Variants in SMARCA2 observed in about 807,000 individuals in gnomAD.
SMARCA2 encodes SWI/SNF related BAF chromatin remodeling complex subunit ATPase 2, also known as SWI/SNF-related matrix-associated actin-dependent regulator of chromatin subfamily A member 2.
Under a neutral mutation model 199.8 loss-of-function variants are expected in SMARCA2, and 61 were observed. The ratio of observed to expected loss-of-function variants is 0.31; its 90% CI spans 0.25 to 0.38. SMARCA2 has a LOEUF of 0.38. SMARCA2 is among the 10% of genes least tolerant of loss of function. The pLI, the probability that SMARCA2 is intolerant of heterozygous loss-of-function variation, is 1.00. For synonymous variants in SMARCA2, 935 were observed against 732.0 expected (o/e 1.28, Z -4.48); for missense variants, 1,344 against 2,012.2 (o/e 0.67, Z 6.35).
At chr9:2,150,564 C>G (rs377715471) in intron 27 of SMARCA2, among the ~76,000 whole-genome samples, 1 of 151,636 alleles carries the variant, frequency 6.6e-6, no homozygotes, top group African/African-American at 2.4e-5. Context: ...TCGTTTACTC[C>G]GAGGGGTGTG....
chr9:2,130,395 G>A (rs1230163760), intron 27 of SMARCA2, among the ~76,000 whole-genome samples: 1 of 152,172 alleles, frequency 6.6e-6, no homozygotes, highest in Admixed American at 6.5e-5. Flanking sequence ...ATCCCAGTCC[G>A]CTAGGTTTGG....
chr9:2,073,953 A>C (rs1162786659), intron 12 of SMARCA2, among the ~76,000 whole-genome samples: 1 of 152,206 alleles, frequency 6.6e-6, no homozygotes, highest in Non-Finnish European at 1.5e-5. Context: ...GGGAAAGGCC[A>C]TACCATACCT....
Position 2,170,524 on chromosome 9 carries a change from A to C in SMARCA2, c.4253+52A>C. 6.2e-7 allele frequency: 1 copy of C among 1,613,336 alleles called. No individual in the cohort carries two copies. Among genetic ancestry groups the C allele is most frequent in the East Asian group, 2.2e-5 (1 of 44,858 alleles). On this transcript the variant is annotated intron_variant, in intron 29 of 33. Transcript: ENST00000349721. This position sits in a 1 kb window ranked among gnomAD's most constrained non-coding sequence, Gnocchi z 4.7. Reference sequence around the variant, plus strand: ...TCTCTAAATACAGGTATCCCTCGTTACGTGAAACAGATTGAATCATATAAT... The same window carrying C: ...TCTCTAAATACAGGTATCCCTCGTTCCGTGAAACAGATTGAATCATATAAT...
At chr9:2,150,176 C>G (rs1824990174) in intron 27 of SMARCA2, among the ~76,000 whole-genome samples, 1 of 151,602 alleles carries the variant, frequency 6.6e-6, no homozygotes, top group Admixed American at 6.6e-5. Context: ...TTGCATATCT[C>G]CTGTTGGCCT....
rs1822953212 is a variant in SMARCA2 at position 2,110,656 on chromosome 9, AATCCC to A, written c.3456+243_3456+247del. On this transcript the variant is annotated intron_variant, in intron 24 of 33. Coordinates refer to ENST00000349721, the MANE Select transcript of SMARCA2 (RefSeq NM_003070.5). This position sits in a 1 kb window ranked among gnomAD's most constrained non-coding sequence, Gnocchi z 4.8. ...AAAAACTTAGTTTCTCCTTAGTTTT[AATCCC>A]ATCTCTTGGGATTGCCATTGAACAA... Among the ~76,000 whole-genome samples, 2 of 152,226 alleles carry A rather than the reference AATCCC, an allele frequency of 1.3e-5. No homozygotes were observed. The highest frequency in any genetic ancestry group is 2.4e-5 in the African/African-American group (1 of 41,454).
intron 5 of SMARCA2, among the ~76,000 whole-genome samples, chr9:2,051,146 C>T (rs1349060880): frequency 6.6e-6 from 1 of 152,180 alleles, no homozygotes. Context: ...ACAACAACAT[C>T]AACAAAGATA....
At chr9:2,156,384 G>C (rs545952243) in intron 27 of SMARCA2, among the ~76,000 whole-genome samples, 1 of 142,162 alleles carries the variant, frequency 7.0e-6, no homozygotes, top group Non-Finnish European at 1.5e-5. Flanking sequence ...TTTTCTTATG[G>C]GAAAATACCA....
rs1476373800 is a variant in SMARCA2 at position 2,178,966 on chromosome 9, TC to T, written c.4254-2604del. Among the ~76,000 whole-genome samples, 4 of 152,278 alleles carry T rather than the reference TC, an allele frequency of 2.6e-5. No homozygotes were observed. The East Asian group carries it at 5.8e-4, about 22-fold the overall frequency. On this transcript the variant is annotated intron_variant, in intron 29 of 33. Transcript: ENST00000349721. ...AATAACACACATGGAAGAATTAGGT[TC>T]TGAGCAATGAGGGGACTGAGAGTAA...
At chr9:2,046,981 C>T (rs1426836664) in intron 4 of SMARCA2, among the ~76,000 whole-genome samples, 1 of 152,076 alleles carries the variant, frequency 6.6e-6, no homozygotes, top group South Asian at 2.1e-4. Context: ...ATGCCAGATT[C>T]TTTTTTCTTT....
At chr9:2,159,286 T>C in intron 27 of SMARCA2, 1 of 352,628 alleles carries the variant, frequency 2.8e-6, no homozygotes, top group Non-Finnish European at 5.1e-6. Context: ...GAAAGTGAAG[T>C]GTTACAGTTG....
chr9:2,127,710 GA>G (rs1322945889), intron 27 of SMARCA2, among the ~76,000 whole-genome samples: 6 of 152,238 alleles, frequency 3.9e-5, no homozygotes, highest in Admixed American at 3.3e-4. Context: ...GTGAGCCCAG[GA>G]AAACAAAATT....
intron 6 of SMARCA2, chr9:2,055,780 A>G (rs1820326025): frequency 6.6e-6 from 1 of 152,236 alleles, no homozygotes; most frequent in Non-Finnish European, 1.5e-5. Flanking sequence ...CTTCTTTCTT[A>G]TTGGTGACCT....
At chr9:2,164,691 T>A (rs1825854463) in intron 28 of SMARCA2, among the ~76,000 whole-genome samples, 1 of 152,240 alleles carries the variant, frequency 6.6e-6, no homozygotes, top group East Asian at 1.9e-4. Context: ...TGGTACTGTT[T>A]ATTGAGTATG....
At chr9:2,166,289 T>C (rs1312530584) in intron 28 of SMARCA2, among the ~76,000 whole-genome samples, 1 of 152,164 alleles carries the variant, frequency 6.6e-6, no homozygotes, top group Non-Finnish European at 1.5e-5. Context: ...GATCATTAAT[T>C]ACAGGGTGGT....
chr9:2,143,761 A>G (rs1824578671), intron 27 of SMARCA2, among the ~76,000 whole-genome samples: 2 of 152,230 alleles, frequency 1.3e-5, no homozygotes, highest in South Asian at 4.1e-4. Flanking sequence ...GTTGAAGGAA[A>G]AGTGATAAAC....
intron 8 of SMARCA2, among the ~76,000 whole-genome samples, chr9:2,059,467 AG>A (rs1425836065): frequency 6.6e-6 from 1 of 152,104 alleles, no homozygotes; most frequent in East Asian, 1.9e-4. Context: ...GTTTCTGACT[AG>A]ACCGTTTTTG....
At chr9:2,143,652 G>C (rs1013036127) in intron 27 of SMARCA2, among the ~76,000 whole-genome samples, 1 of 152,132 alleles carries the variant, frequency 6.6e-6, no homozygotes, top group Non-Finnish European at 1.5e-5. Flanking sequence ...ATGTGATAAG[G>C]GAAACTGATC....
intron 31 of SMARCA2, among the ~76,000 whole-genome samples, chr9:2,182,825 G>T (rs1180746346): frequency 7.5e-6 from 1 of 133,828 alleles, no homozygotes; most frequent in Non-Finnish European, 1.6e-5. Flanking sequence ...TCGAGATGGA[G>T]TCTCGCCCAG....
At chr9:2,174,669 C>T (rs1348683773) in intron 29 of SMARCA2, among the ~76,000 whole-genome samples, 1 of 152,008 alleles carries the variant, frequency 6.6e-6, no homozygotes, top group East Asian at 1.9e-4. Context: ...CCTGTAATTC[C>T]CAGCACTTTG....
Sources: allele counts gnomAD v4.1 joint callset (sites outside exome capture counted in the v4.1 genomes callset), GRCh38; gene constraint gnomAD v4.1.1; non-coding constraint Gnocchi (gnomAD v3.1); transcripts MANE v1.5; gene names NCBI Gene and HGNC (gene_info 2026-07-23, HGNC 2026-07-21).